The following IL1RAPL2 variants were observed in gnomAD, a reference collection of about 807,000 sequenced individuals.
IL1RAPL2 encodes X-linked interleukin-1 receptor accessory protein-like 2.
A neutral mutation model predicts 44.1 loss-of-function variants in IL1RAPL2; 3 were observed. The ratio of observed to expected loss-of-function variants is 0.07; its 90% CI spans 0.03 to 0.18. The LOEUF is 0.18. Among genes scored for constraint, IL1RAPL2 ranks in the 10% least tolerant of loss-of-function variants. The pLI is 1.00. For missense variants in IL1RAPL2, 391 were observed against 496.4 expected (o/e 0.79, Z 2.02); for synonymous variants, 181 against 178.8 (o/e 1.01, Z -0.10).
At chrX:104,737,827 T>C (rs1932041666) in intron 2 of IL1RAPL2, among the ~76,000 whole-genome samples, 1 of 112,070 alleles carries the variant, frequency 8.9e-6, no homozygotes, top group South Asian at 3.7e-4. Context: ...TTTTTGCTCT[T>C]CTACAGCTAT....
At chrX:104,979,502 G>T (rs140479162) in intron 2 of IL1RAPL2, among the ~76,000 whole-genome samples, 1 of 111,037 alleles carries the variant, frequency 9.0e-6, no homozygotes, top group African/African-American at 3.3e-5. Context: ...GGAAATTCTG[G>T]GAAATATTTT....
intron 2 of IL1RAPL2, among the ~76,000 whole-genome samples, chrX:105,100,759 G>A (rs920115230): frequency 1.8e-5 from 2 of 111,583 alleles, no homozygotes; most frequent in Non-Finnish European, 3.8e-5. Context: ...ATTGAATGAA[G>A]GAGGCTAGAG....
chrX:104,844,641 C>T (rs1922000631), intron 2 of IL1RAPL2, among the ~76,000 whole-genome samples: 1 of 111,641 alleles, frequency 9.0e-6, no homozygotes, highest in African/African-American at 3.3e-5. Context: ...AACACAAAAA[C>T]ATCTCATAAT....
At chrX:105,568,657 C>T (rs2036992573) in intron 6 of IL1RAPL2, among the ~76,000 whole-genome samples, 1 of 111,976 alleles carries the variant, frequency 8.9e-6, no homozygotes, top group African/African-American at 3.2e-5. Flanking sequence ...TTCGGAGAAA[C>T]AAGGAGAGGG....
intron 2 of IL1RAPL2, among the ~76,000 whole-genome samples, chrX:104,928,163 CAGTGTAACTGG>C (rs1379565289): frequency 9.0e-6 from 1 of 111,478 alleles, no homozygotes; most frequent in Non-Finnish European, 1.9e-5. Context: ...ACAAACAATC[CAGTGTAACTGG>C]ATTGTTTAGT....
chrX:104,976,277 A>G (rs1273437468), intron 2 of IL1RAPL2, among the ~76,000 whole-genome samples: 1 of 111,130 alleles, frequency 9.0e-6, no homozygotes, highest in Non-Finnish European at 1.9e-5. Flanking sequence ...TAATAAGAAT[A>G]TTTATTGGAC....
At chrX:105,343,923 C>T (rs1288435203) in intron 5 of IL1RAPL2, among the ~76,000 whole-genome samples, 2 of 107,182 alleles carry the variant, frequency 1.9e-5, no homozygotes, top group African/African-American at 6.9e-5. Context: ...TGGAGTCTCA[C>T]TCACTCTGTT....
chrX:105,674,206 C>A (rs952108071), intron 6 of IL1RAPL2, among the ~76,000 whole-genome samples: 8 of 112,098 alleles, frequency 7.1e-5, no homozygotes, highest in Non-Finnish European at 1.3e-4. Flanking sequence ...GCTTTTATTG[C>A]AATCGCTTAT....
chrX:104,860,376 CTT>C (rs2147646891), intron 2 of IL1RAPL2, among the ~76,000 whole-genome samples: 1 of 111,449 alleles, frequency 9.0e-6, no homozygotes, highest in South Asian at 3.8e-4. Flanking sequence ...CTGTATCTAC[CTT>C]TGTCCTTTGC....
intron 5 of IL1RAPL2, among the ~76,000 whole-genome samples, chrX:105,449,452 C>T (rs983814858): frequency 1.7e-4 from 19 of 110,839 alleles, no homozygotes; most frequent in East Asian, 2.9e-4. Context: ...GGCATGGTGG[C>T]GGGCTCCTGT....
At chrX:105,126,841 T>C (rs2032979942) in intron 2 of IL1RAPL2, among the ~76,000 whole-genome samples, 1 of 111,084 alleles carries the variant, frequency 9.0e-6, no homozygotes, top group Non-Finnish European at 1.9e-5. Context: ...GTAACAAATG[T>C]AATCAGGCAA....
chrX:105,008,528 C>T (rs1602886064), intron 2 of IL1RAPL2, among the ~76,000 whole-genome samples: 1 of 110,574 alleles, frequency 9.0e-6, no homozygotes, highest in East Asian at 2.8e-4. Flanking sequence ...ATAAATGGTG[C>T]TGGGAAAACT....
intron 2 of IL1RAPL2, among the ~76,000 whole-genome samples, chrX:104,806,486 T>C (rs1166447117): frequency 4.4e-5 from 5 of 112,444 alleles, no homozygotes; most frequent in Non-Finnish European, 9.4e-5. Context: ...GACAGCAGGT[T>C]GGTTCTCTTT....
intron 2 of IL1RAPL2, among the ~76,000 whole-genome samples, chrX:104,945,309 A>T (rs1208756112): frequency 9.0e-6 from 1 of 111,006 alleles, no homozygotes; most frequent in East Asian, 2.8e-4. Flanking sequence ...ATTTAACATA[A>T]TAATGTACTG....
chrX:105,564,848 T>C (rs1044069953), intron 6 of IL1RAPL2, among the ~76,000 whole-genome samples: 1 of 111,954 alleles, frequency 8.9e-6, no homozygotes, highest in Non-Finnish European at 1.9e-5. Flanking sequence ...TTCCTTTTCA[T>C]TCCCTTCCTT....
chrX:105,206,053 T>C (rs1170409114), intron 3 of IL1RAPL2, among the ~76,000 whole-genome samples: 1 of 110,720 alleles, frequency 9.0e-6, no homozygotes, highest in Non-Finnish European at 1.9e-5. Context: ...AAAAGCTGAA[T>C]AAAGGATGAC....
intron 6 of IL1RAPL2, among the ~76,000 whole-genome samples, chrX:105,509,794 G>C (rs2036456543): frequency 9.0e-6 from 1 of 111,077 alleles, no homozygotes. Flanking sequence ...ACACTTAGAA[G>C]CAAGAGTTTT....
chrX:104,893,761 T>C (rs1280957813), intron 2 of IL1RAPL2, among the ~76,000 whole-genome samples: 1 of 112,019 alleles, frequency 8.9e-6, no homozygotes, highest in Non-Finnish European at 1.9e-5. Context: ...CTGTGTCTTT[T>C]AATGGGAGCA....
chrX:105,082,349 A>G (rs1051124854), intron 2 of IL1RAPL2, among the ~76,000 whole-genome samples: 1 of 111,125 alleles, frequency 9.0e-6, no homozygotes, highest in African/African-American at 3.3e-5. Flanking sequence ...TATTGCATCT[A>G]GTTGATTCTT....
Sources: gnomAD v4.1 joint callset for allele counts (sites outside exome capture counted in the v4.1 genomes callset) on GRCh38, gnomAD v4.1.1 for gene constraint, MANE v1.5 for transcripts, NCBI Gene and HGNC (gene_info 2026-07-23, HGNC 2026-07-21) for gene names.